The following GATA4 variants were observed in gnomAD, a reference collection of about 807,000 sequenced individuals.
The protein encoded by GATA4 is transcription factor GATA-4.
GATA4 carries 7 observed loss-of-function variants against 37.9 expected under a neutral mutation model. The ratio of observed to expected loss-of-function variants is 0.18; its 90% CI spans 0.11 to 0.35. GATA4 has a LOEUF of 0.35. Among genes scored for constraint, GATA4 ranks in the 10% least tolerant of loss-of-function variants. The pLI is 1.00. For missense variants in GATA4, 647 were observed against 653.0 expected (o/e 0.99, Z 0.10); for synonymous variants, 372 against 292.6 (o/e 1.27, Z -2.77).
At chr8:11,715,931 C>T (rs920121146) in intron 2 of GATA4, among the ~76,000 whole-genome samples, 1 of 152,052 alleles carries the variant, frequency 6.6e-6, no homozygotes, top group Non-Finnish European at 1.5e-5. Context: ...TGAATTTGAC[C>T]ACTCTAGGGA....
chr8:11,749,426 C>T lies in GATA4; in HGVS notation c.786+341C>T, dbSNP rs952198529. Among the ~76,000 whole-genome samples the T allele has an allele frequency of 6.6e-6, 1 of 152,124 alleles. No homozygotes were observed. Among genetic ancestry groups the T allele is most frequent in the South Asian group, 2.1e-4 (1 of 4,830 alleles). ...AGTCCAGTGTTGACTGGAGTGTCTC[C>T]TCCACCCACACCAACCCTGCAAGGA... On this transcript the variant is annotated intron_variant, in intron 3 of 6. Transcript: ENST00000532059. This position sits in a 1 kb window ranked among gnomAD's most constrained non-coding sequence, Gnocchi z 4.6.
At position 11,758,851 on chromosome 8, in the gene GATA4, A is replaced by C; in HGVS notation, c.*376A>C. 10 of 329,438 alleles carry C rather than the reference A, an allele frequency of 3.0e-5. No individual in the cohort carries two copies. Among genetic ancestry groups the C allele is most frequent in the South Asian group, 5.5e-5 (2 of 36,534 alleles). The allele number at this position is 329,438 out of a possible 1,614,324, so 20.4% of individuals were successfully genotyped here. ...AACAAGCGGAGGGCCGGGCCCTGGG[A>C]CCCCTGCTCCAGCCCGAATGACGGC... is the stretch of plus-strand genomic sequence containing the variant. On this transcript the variant is annotated 3_prime_UTR_variant, in exon 7 of 7. Coordinates refer to ENST00000532059, the MANE Select transcript of GATA4 (RefSeq NM_001308093.3).
upstream of GATA4, among the ~76,000 whole-genome samples, chr8:11,688,874 G>T (rs868133084): frequency 2.6e-4 from 39 of 152,272 alleles, no homozygotes; most frequent in African/African-American, 9.1e-4. Context: ...AACAATGGGG[G>T]CAATAGCAGT....
intron 2 of GATA4, among the ~76,000 whole-genome samples, chr8:11,710,726 G>A (rs927657973): frequency 6.6e-6 from 1 of 151,110 alleles, no homozygotes; most frequent in African/African-American, 2.4e-5. Context: ...GACTGGTCCA[G>A]GGAGAGTTTG....
At chr8:11,695,459 C>T (rs954018461) in intron 1 of GATA4, among the ~76,000 whole-genome samples, 32 of 152,096 alleles carry the variant, frequency 2.1e-4, no homozygotes, top group African/African-American at 7.2e-4. Context: ...TTCTGCAGAA[C>T]GATATCATCT....
upstream of GATA4, among the ~76,000 whole-genome samples, chr8:11,690,600 G>C (rs569686497): frequency 5.4e-4 from 82 of 152,280 alleles, no homozygotes; most frequent in African/African-American, 1.9e-3. Flanking sequence ...CTGGCTCAGG[G>C]CTGTAATCCC....
At chr8:11,757,493 T>C (rs1429896849) in intron 6 of GATA4, among the ~76,000 whole-genome samples, 1 of 152,230 alleles carries the variant, frequency 6.6e-6, no homozygotes, top group Non-Finnish European at 1.5e-5. Flanking sequence ...GTGGTTGCGC[T>C]GTCGGAGGCC....
At chr8:11,699,208 T>C (rs1799594749), upstream of GATA4, among the ~76,000 whole-genome samples, 1 of 152,128 alleles carries the variant, frequency 6.6e-6, no homozygotes, top group African/African-American at 2.4e-5. Context: ...CCCATATAAA[T>C]TACTTTATAA....
chr8:11,718,423 AT>A (rs1800527993), intron 2 of GATA4, among the ~76,000 whole-genome samples: 1 of 152,250 alleles, frequency 6.6e-6, no homozygotes, highest in Admixed American at 6.5e-5. Context: ...GAGGAGTAAA[AT>A]CCAGACAGGT....
At chr8:11,705,296 T>C (rs943733279) in intron 1 of GATA4, among the ~76,000 whole-genome samples, 23 of 152,116 alleles carry the variant, frequency 1.5e-4, no homozygotes, top group African/African-American at 5.6e-4. Context: ...GTGGAGGTGA[T>C]GCTCCGCACA....
chr8:11,753,229 A>T (rs1802385944), intron 4 of GATA4, among the ~76,000 whole-genome samples: 1 of 152,232 alleles, frequency 6.6e-6, no homozygotes, highest in South Asian at 2.1e-4. Context: ...CAGCCTTTAA[A>T]AGGAAGGGAA....
rs1036006404 is a variant in GATA4 at position 11,696,726 on chromosome 8, T to C, written c.-728-3782T>C. ...ACAATCCCTGACAAAAAGTGGTGTA[T>C]GGAGGGGTGTGTGCATCTGCATTGG... On this transcript the variant is annotated intron_variant, in intron 1 of 2. Transcript: ENST00000526974. 3.9e-5 allele frequency among the ~76,000 whole-genome samples: 6 copies of C among 152,150 alleles called. No individual in the cohort carries two copies. The East Asian group carries it at 1.2e-3, about 29-fold the overall frequency.
chr8:11,755,630 A>G (rs1382273208), intron 5 of GATA4, among the ~76,000 whole-genome samples: 1 of 152,206 alleles, frequency 6.6e-6, no homozygotes, highest in Middle Eastern at 3.2e-3. Flanking sequence ...ATCTCCATGA[A>G]AGTAAGACTC....
chr8:11,679,177 T>G (rs1376617507), intron 1 of GATA4, among the ~76,000 whole-genome samples: 29 of 130,456 alleles, frequency 2.2e-4, no homozygotes, highest in Non-Finnish European at 3.5e-4. Flanking sequence ...TCCGAATAAT[T>G]GCGGGGGGGG....
At chr8:11,727,191 C>T (rs1800967730) in intron 2 of GATA4, among the ~76,000 whole-genome samples, 1 of 152,198 alleles carries the variant, frequency 6.6e-6, no homozygotes. Flanking sequence ...AAAACCTTCA[C>T]AGAAGTGACA....
At chr8:11,694,547 C>G (rs1256528436) in intron 1 of GATA4, 5 of 982,094 alleles carry the variant, frequency 5.1e-6, no homozygotes, top group Non-Finnish European at 6.0e-6. Flanking sequence ...TTAGCAAGCT[C>G]TCCCAGGGTG....
intron 1 of GATA4, chr8:11,697,995 C>A (rs915839623): frequency 1.0e-6 from 1 of 985,354 alleles, no homozygotes; most frequent in African/African-American, 1.7e-5. Flanking sequence ...CCACTGTCCT[C>A]CCCGGGAGCT....
In GATA4 at chr8:11,744,044, C is replaced by T. The variant is rs530729577; in HGVS notation, c.617-4872C>T. ...CTTGGAGACTGAGTACAAGTGAACG[C>T]GGTCAGCCTTGCTGTCAGTTGGTTC... On this transcript the variant is annotated intron_variant, in intron 2 of 6. Transcript: ENST00000532059. Among the ~76,000 whole-genome samples the T allele has an allele frequency of 1.1e-4, 16 of 152,332 alleles. No individual in the cohort carries two copies. In the South Asian group the frequency reaches 1.5e-3, roughly 14 times the overall value.
chr8:11,746,602 C>T (rs186327731), intron 2 of GATA4, among the ~76,000 whole-genome samples: 6 of 152,326 alleles, frequency 3.9e-5, no homozygotes, highest in African/African-American at 9.6e-5. Context: ...TAATGTCCTT[C>T]TGTAAATTCC....
Sources: gnomAD v4.1 joint callset for allele counts (sites outside exome capture counted in the v4.1 genomes callset) on GRCh38, gnomAD v4.1.1 for gene constraint, Gnocchi (gnomAD v3.1) non-coding constraint, MANE v1.5 for transcripts, NCBI Gene and HGNC (gene_info 2026-07-23, HGNC 2026-07-21) for gene names.